DPP3: variants seen among roughly 807,000 people sequenced by gnomAD.
DPP3 encodes DPP III.
DPP3 carries 64 observed loss-of-function variants against 89.8 expected under a neutral mutation model. The observed-to-expected ratio is 0.71, with a 90% CI of 0.58 to 0.88. The LOEUF is 0.88. DPP3 is among the 40% of genes least tolerant of loss of function. The pLI, the probability that DPP3 is intolerant of heterozygous loss-of-function variation, is 0.00. For missense variants in DPP3, 835 were observed against 972.5 expected (o/e 0.86, Z 1.88); for synonymous variants, 377 against 404.3 (o/e 0.93, Z 0.81).
Position 66,482,456 on chromosome 11 carries a change from G to T in DPP3, c.256G>T (p.Glu86Ter). The T allele has an allele frequency of 6.2e-7, 1 of 1,605,598 alleles. No individual in the cohort carries two copies. The highest frequency in any genetic ancestry group is 1.1e-5 in the South Asian group (1 of 91,074). Residue 86 changes from glutamate (E) to a stop codon, truncating the protein, a stop_gained, in exon 2 of 18, where the codon GAG becomes TAG. Coordinates refer to ENST00000531863, the MANE Select transcript of DPP3 (RefSeq NM_130443.4). LOFTEE classifies it high-confidence loss of function. ...ACATGCCCTGGCTGAAGGCCTTACCGAGGAGGAGTATCAGGTCAGTTCTCT... is the reference window on the plus strand; with the variant it reads ...ACATGCCCTGGCTGAAGGCCTTACCTAGGAGGAGTATCAGGTCAGTTCTCT... ...RQHALAEGLT[E>*]EEYQAFLVYA...
chr11:66,490,771 T>TG (rs1310507200), intron 6 of DPP3, among the ~76,000 whole-genome samples: 2 of 140,882 alleles, frequency 1.4e-5, no homozygotes, highest in African/African-American at 5.1e-5. Flanking sequence ...TTTTTTGTTT[T>TG]GTTTTTTTTT....
chr11:66,489,785 A>T (rs143305182), intron 6 of DPP3, among the ~76,000 whole-genome samples: 1 of 152,266 alleles, frequency 6.6e-6, no homozygotes, highest in Non-Finnish European at 1.5e-5. Context: ...GTTGACTCAC[A>T]CGCAGGTGCT....
At chr11:66,486,951 G>T (rs1855246135) in intron 4 of DPP3, among the ~76,000 whole-genome samples, 1 of 152,142 alleles carries the variant, frequency 6.6e-6, no homozygotes, top group South Asian at 2.1e-4. Flanking sequence ...GGAGGTGGAG[G>T]GAGCTGAGGA....
At chr11:66,497,632 T>C (rs547799384) in intron 16 of DPP3, among the ~76,000 whole-genome samples, 155 bp downstream of exon 16, 48 of 152,372 alleles carry the variant, frequency 3.2e-4, no homozygotes, top group African/African-American at 1.0e-3. Flanking sequence ...GCCTCACGCC[T>C]GTGATCCCAG....
rs145472018 is a variant in DPP3 at position 66,491,616 on chromosome 11, C to T, written c.921C>T (p.Ile307=). The T allele has an allele frequency of 3.1e-5, 50 of 1,613,112 alleles. No homozygotes were observed. Among genetic ancestry groups the T allele is most frequent in the Non-Finnish European group, 3.6e-5 (42 of 1,179,342 alleles). The change falls in exon 8 of 18, where the codon ATC becomes ATT. Residue 307 remains isoleucine, a synonymous_variant. Coordinates refer to ENST00000531863, the MANE Select transcript of DPP3 (RefSeq NM_130443.4). The part of the protein sequence containing the change: ...SRFWIQDKGP[I]VESYIGFIES... ...TCTGGATCCAGGACAAAGGCCCCATCGTGGAGAGGTGAGGCGCCAGCTCCA... is the reference window on the plus strand; with the variant it reads ...TCTGGATCCAGGACAAAGGCCCCATTGTGGAGAGGTGAGGCGCCAGCTCCA...
chr11:66,501,225 G>A (rs1284965065), intron 16 of DPP3, among the ~76,000 whole-genome samples: 1 of 151,612 alleles, frequency 6.6e-6, no homozygotes, highest in Non-Finnish European at 1.5e-5. Context: ...GCCAGGCATG[G>A]TGGCGCATCC....
At chr11:66,502,477 T>TG (rs1855702387) in intron 16 of DPP3, among the ~76,000 whole-genome samples, 1 of 151,704 alleles carries the variant, frequency 6.6e-6, no homozygotes, top group Admixed American at 6.6e-5. Context: ...CCAGCTAATT[T>TG]TTTTTTTTTC....
chr11:66,485,277 G>A lies in DPP3; in HGVS notation c.360+15G>A. ...ACTTGCCCAAGGTGAGCCAAGGGAG[G>A]GTTGGGGAAGGTGGGGATGGGGGGC... On this transcript the variant is annotated intron_variant, in intron 3 of 17. Transcript: ENST00000531863. The A allele has an allele frequency of 6.2e-7, 1 of 1,613,026 alleles. No homozygotes were observed. Among genetic ancestry groups the A allele is most frequent in the Non-Finnish European group, 8.5e-7 (1 of 1,179,292 alleles).
In DPP3 at chr11:66,497,499, G is replaced by A. The variant is rs57113976; in HGVS notation, c.1878+22G>A. 1,438 of 1,605,080 alleles carry A rather than the reference G, an allele frequency of 9.0e-4. 12 individuals are homozygous for A. The African/African-American group carries it at 0.017, about 19-fold the overall frequency. ...TCAGGTAAGCAAAGGCCTCTCGTCT[G>A]GATGGGTCCCCACCAACCTCTCCAG... On this transcript the variant is annotated intron_variant, in intron 16 of 17. Coordinates refer to ENST00000531863, the MANE Select transcript of DPP3 (RefSeq NM_130443.4).
chr11:66,502,916 T>C (rs1364079854), intron 16 of DPP3, among the ~76,000 whole-genome samples: 1 of 151,996 alleles, frequency 6.6e-6, no homozygotes, highest in African/African-American at 2.4e-5. Context: ...TGTTTTAATA[T>C]TCTTTACGGT....
intron 5 of DPP3, 83 bp downstream of exon 5, chr11:66,487,425 G>A (rs1024560652): frequency 1.4e-6 from 2 of 1,417,368 alleles, no homozygotes; most frequent in African/African-American, 1.4e-5. Context: ...GACCACTCCT[G>A]GGTCTCTGCT....
At chr11:66,492,994 A>G (rs1855435552) in intron 10 of DPP3, 73 bp from the exon 11 acceptor site, 2 of 1,605,932 alleles carry the variant, frequency 1.2e-6, no homozygotes, top group Non-Finnish European at 1.7e-6. Context: ...ACCCTCCACA[A>G]ACTGCTCTGT....
intron 6 of DPP3, among the ~76,000 whole-genome samples, chr11:66,488,646 T>C (rs1855299828): frequency 6.6e-6 from 1 of 151,822 alleles, no homozygotes; most frequent in African/African-American, 2.4e-5. Flanking sequence ...TGGGGTGGTA[T>C]TCTCAAGGGG....
chr11:66,497,909 T>G (rs1335786667), intron 16 of DPP3, among the ~76,000 whole-genome samples: 6 of 151,270 alleles, frequency 4.0e-5, no homozygotes, highest in Non-Finnish European at 8.8e-5. Flanking sequence ...AAAAAAAGAA[T>G]AAGGACATCT....
chr11:66,502,452 C>T (rs1183186297), intron 16 of DPP3, among the ~76,000 whole-genome samples: 1 of 151,140 alleles, frequency 6.6e-6, no homozygotes, highest in African/African-American at 2.4e-5. Flanking sequence ...GGATTATAGG[C>T]GTGTGCCACC....
Position 66,509,273 on chromosome 11 carries a change from C to A in DPP3, c.*22C>A, listed in dbSNP as rs199674775. 4 of 1,589,270 alleles carry A rather than the reference C, an allele frequency of 2.5e-6. No individual in the cohort carries two copies. In the South Asian group the frequency reaches 3.4e-5, roughly 13 times the overall value. On this transcript the variant is annotated 3_prime_UTR_variant, in exon 18 of 18. Transcript: ENST00000531863. ...TTGAGGAAGATGTGTGGCCTTGCCC[C>A]CAATTCCATCAGACCAAGGCTGCAA...
intron 16 of DPP3, 82 bp from the exon 17 acceptor site, chr11:66,504,530 A>T (rs1855753394): frequency 6.7e-7 from 1 of 1,481,540 alleles, no homozygotes; most frequent in Non-Finnish European, 9.0e-7. Context: ...AGGGCTGACC[A>T]CAATCAGCTG....
intron 9 of DPP3, chr11:66,492,461 C>G: frequency 2.2e-6 from 1 of 450,680 alleles, no homozygotes; most frequent in East Asian, 3.7e-5. Context: ...TGTTGGGGCT[C>G]AGGGATGACC....
chr11:66,508,912 G>C (rs577851522), intron 17 of DPP3, among the ~76,000 whole-genome samples, 167 bp from the exon 18 acceptor site: 2 of 152,288 alleles, frequency 1.3e-5, no homozygotes, highest in African/African-American at 4.8e-5. Context: ...CAGGGTTACT[G>C]TAAAGAGTAA....
Sources: gnomAD v4.1 joint callset for allele counts (sites outside exome capture counted in the v4.1 genomes callset) on GRCh38, gnomAD v4.1.1 for gene constraint, MANE v1.5 for transcripts, NCBI Gene and HGNC (gene_info 2026-07-23, HGNC 2026-07-21) for gene names.